MALRD1: variants seen among roughly 807,000 people sequenced by gnomAD.
MALRD1 encodes MAM and LDL receptor class A domain containing 1, also known as MAM and LDL-receptor class A domain-containing protein 1.
In MALRD1, 247 loss-of-function variants were observed where a neutral mutation model predicts 242.1. The observed-to-expected ratio is 1.02, with a 90% CI of 0.92 to 1.13. The LOEUF (loss-of-function observed/expected upper bound fraction) is 1.13. MALRD1 is among the 50% of genes most tolerant of loss of function. MALRD1 has a pLI of 0.00. For missense variants in MALRD1, 2,989 were observed against 2,533.1 expected, an observed-to-expected ratio of 1.18 and a Z score of -3.86; for synonymous variants, 995 against 866.6, an observed-to-expected ratio of 1.15 and a Z score of -2.60.
chr10:19,155,108 C>T lies in MALRD1; in HGVS notation c.1592C>T (p.Pro531Leu). Reference sequence around the variant, plus strand: ...ATTTATTTGGAGGCACAGCGCTCCCCCGGGGTGGCCAAGCTTGGAAGTCCT... The same window carrying T: ...ATTTATTTGGAGGCACAGCGCTCCCTCGGGGTGGCCAAGCTTGGAAGTCCT... ...SFIYLEAQRS[P>L]GVAKLGSPVL... Residue 531 changes from proline (P) to leucine (L), a missense_variant, in exon 12 of 40, where the codon CCC becomes CTC. Transcript: ENST00000454679. 8.1e-7 allele frequency: 1 copy of T among 1,231,552 alleles called. No homozygotes were observed. Among genetic ancestry groups the T allele is most frequent in the Non-Finnish European group, 1.0e-6 (1 of 987,906 alleles). The allele number at this position is 1,231,552 out of a possible 1,614,324, so 76.3% of individuals were successfully genotyped here.
Position 19,249,703 on chromosome 10 carries a change from C to T in MALRD1, c.2992-7981C>T, listed in dbSNP as rs778832193. 4.6e-5 allele frequency among the ~76,000 whole-genome samples: 7 copies of T among 151,978 alleles called. No individual in the cohort carries two copies. In the Middle Eastern group the frequency reaches 0.014, roughly 295 times the overall value. On this transcript the variant is annotated intron_variant, in intron 18 of 39. Transcript: ENST00000454679. ...GTTTGTAAAAATAAAAAGAAAATAG[C>T]CTTAGCTTGAGTGGTCAAGGAAGGC... is the stretch of plus-strand genomic sequence containing the variant.
chr10:19,094,457 C>T (rs939285997), intron 4 of MALRD1, among the ~76,000 whole-genome samples: 6 of 148,926 alleles, frequency 4.0e-5, no homozygotes, highest in East Asian at 2.0e-4. Flanking sequence ...GGCTCGCGCA[C>T]GGTGTGCACA....
At chr10:19,509,827 G>C (rs2095127) in intron 31 of MALRD1, among the ~76,000 whole-genome samples, 20,731 of 152,152 alleles carry the variant, frequency 0.14, 1,525 homozygotes, top group East Asian at 0.22. Flanking sequence ...GGTTGCCCCT[G>C]CACACCTGTG....
At chr10:19,059,978 T>A (rs1834775097) in intron 1 of MALRD1, among the ~76,000 whole-genome samples, 1 of 152,222 alleles carries the variant, frequency 6.6e-6, no homozygotes, top group South Asian at 2.1e-4. Context: ...AAAGTTATAT[T>A]AGCAAAGGCA....
rs1564523878 is a variant in MALRD1 at position 19,278,445 on chromosome 10, CCA to C, written c.3080-1601_3080-1600del. ...TCCACTCTGGTATTCATTCATCTGT[CCA>C]TCCATCCATCCATCCATCCATCCAT... On this transcript the variant is annotated intron_variant, in intron 19 of 39. Transcript: ENST00000454679. 5.0e-4 allele frequency among the ~76,000 whole-genome samples: 74 copies of C among 146,558 alleles called. 2 individuals carry two copies. The highest frequency in any genetic ancestry group is 1.9e-3 in the African/African-American group (73 of 37,600).
At chr10:19,524,230 A>C (rs944689870) in intron 31 of MALRD1, among the ~76,000 whole-genome samples, 2 of 152,200 alleles carry the variant, frequency 1.3e-5, no homozygotes, top group African/African-American at 4.8e-5. Context: ...TAATTCCAGC[A>C]CTTTGGGAGG....
Position 19,433,092 on chromosome 10 carries a change from T to C in MALRD1, c.4846-17215T>C, listed in dbSNP as rs111279565. 4.0e-3 allele frequency among the ~76,000 whole-genome samples: 613 copies of C among 152,322 alleles called. 4 individuals carry two copies. The highest frequency in any genetic ancestry group is 0.014 in the Middle Eastern group (4 of 294). On this transcript the variant is annotated intron_variant, in intron 28 of 39. Coordinates refer to ENST00000454679, the MANE Select transcript of MALRD1 (RefSeq NM_001142308.3). Reference sequence around the variant, plus strand: ...TGTGTTAGGTACTCCTTATCAGATTTTGCCTATCATTATATTATTTTTATC... The same window carrying C: ...TGTGTTAGGTACTCCTTATCAGATTCTGCCTATCATTATATTATTTTTATC...
chr10:19,386,416 G>GAAAA (rs10654913), intron 26 of MALRD1, among the ~76,000 whole-genome samples: 3 of 148,042 alleles, frequency 2.0e-5, no homozygotes, highest in African/African-American at 7.4e-5. Context: ...GAGAAGACAA[G>GAAAA]AAAAAAAAAA....
chr10:19,692,965 G>C (rs945342398), intron 38 of MALRD1, among the ~76,000 whole-genome samples: 4 of 149,954 alleles, frequency 2.7e-5, no homozygotes, highest in African/African-American at 4.9e-5. Context: ...CAGAACCAAA[G>C]ACAAAAACCA....
At chr10:19,524,724 A>G (rs1251340524) in intron 31 of MALRD1, among the ~76,000 whole-genome samples, 1 of 132,784 alleles carries the variant, frequency 7.5e-6, no homozygotes, top group Non-Finnish European at 1.5e-5. Context: ...GAACAGGAAA[A>G]TGAGAAAAAA....
rs112492046 is a variant in MALRD1 at position 19,519,527 on chromosome 10, C to T, written c.5321-11667C>T. Among the ~76,000 whole-genome samples the T allele has an allele frequency of 5.4e-3, 816 of 152,152 alleles. 6 individuals are homozygous for T. The highest frequency in any genetic ancestry group is 0.017 in the South Asian group (83 of 4,814). On this transcript the variant is annotated intron_variant, in intron 31 of 39. Coordinates refer to ENST00000454679, the MANE Select transcript of MALRD1 (RefSeq NM_001142308.3). Reference sequence around the variant, plus strand: ...CTGTAATCCTAGCACTTTGGCAGGCCGTCGCAGGAGGCAGGAGGACTACTT... The same window carrying T: ...CTGTAATCCTAGCACTTTGGCAGGCTGTCGCAGGAGGCAGGAGGACTACTT...
intron 1 of MALRD1, among the ~76,000 whole-genome samples, chr10:19,065,134 A>C (rs1834932558): frequency 6.6e-6 from 1 of 151,570 alleles, no homozygotes; most frequent in Non-Finnish European, 1.5e-5. Context: ...CTAAAAATAC[A>C]AAATTAGCCA....
intron 1 of MALRD1, among the ~76,000 whole-genome samples, chr10:19,050,284 T>G (rs991970227): frequency 6.6e-6 from 1 of 150,966 alleles, no homozygotes; most frequent in African/African-American, 2.4e-5. Context: ...AGACGGGGTT[T>G]CACCGTTTTA....
chr10:19,264,539 C>T (rs988105725), intron 19 of MALRD1, among the ~76,000 whole-genome samples: 34 of 151,348 alleles, frequency 2.2e-4, no homozygotes, highest in African/African-American at 5.8e-4. Flanking sequence ...CTGCAAGCTC[C>T]GCCTCCCAGG....
At chr10:19,485,179 G>A (rs1031451681) in intron 29 of MALRD1, among the ~76,000 whole-genome samples, 1 of 152,146 alleles carries the variant, frequency 6.6e-6, no homozygotes, top group Non-Finnish European at 1.5e-5. Context: ...CTCAGAAAGA[G>A]GGAGGCTGAG....
intron 36 of MALRD1, among the ~76,000 whole-genome samples, chr10:19,633,214 G>T (rs1589335693): frequency 6.6e-6 from 1 of 152,098 alleles, no homozygotes; most frequent in South Asian, 2.1e-4. Flanking sequence ...CTTGGCAACA[G>T]AGCAAGATTC....
At chr10:19,216,953 A>AT (rs1837343957) in intron 18 of MALRD1, among the ~76,000 whole-genome samples, 1 of 114,790 alleles carries the variant, frequency 8.7e-6, no homozygotes, top group African/African-American at 3.0e-5. Context: ...CTCAAAAAAA[A>AT]AAAAATAAAA....
intron 31 of MALRD1, among the ~76,000 whole-genome samples, chr10:19,508,357 T>C (rs150210395): frequency 1.3e-5 from 2 of 152,330 alleles, no homozygotes; most frequent in African/African-American, 4.8e-5. Flanking sequence ...AAAGAATTTA[T>C]GTATGTTGTC....
At chr10:19,099,761 A>AT (rs71767071) in intron 4 of MALRD1, among the ~76,000 whole-genome samples, 2,819 of 104,918 alleles carry the variant, frequency 0.027, 117 homozygotes, top group African/African-American at 0.095. Flanking sequence ...ATATATATAT[A>AT]TATTTTTTTT....
Sources: gnomAD v4.1 joint callset for allele counts (sites outside exome capture counted in the v4.1 genomes callset) on GRCh38, gnomAD v4.1.1 for gene constraint, MANE v1.5 for transcripts, NCBI Gene and HGNC (gene_info 2026-07-23, HGNC 2026-07-21) for gene names.